The following NBAS variants were observed in gnomAD, a reference collection of about 807,000 sequenced individuals.
NBAS encodes the protein NAG/BC035112 fusion.
NBAS carries 219 observed loss-of-function variants against 302.5 expected under a neutral mutation model. The observed-to-expected ratio is 0.72, with a 90% CI of 0.65 to 0.81. The LOEUF (loss-of-function observed/expected upper bound fraction) is 0.81, where lower values mean the gene tolerates loss of function less well. Ranked by LOEUF, NBAS falls within the 30% of genes least tolerant of loss-of-function variation. NBAS has a pLI of 0.00. For synonymous variants in NBAS, 1,118 were observed against 1,021.6 expected, an observed-to-expected ratio of 1.09 and a Z score of -1.80; for missense variants, 2,932 against 2,841.6, an observed-to-expected ratio of 1.03 and a Z score of -0.72.
chr2:15,187,204 T>A (rs1665129792), intron 49 of NBAS, among the ~76,000 whole-genome samples: 1 of 152,114 alleles, frequency 6.6e-6, no homozygotes, highest in South Asian at 2.1e-4. Flanking sequence ...AGTTGTATGG[T>A]TCTGGGGAAG....
At chr2:14,836,483 G>C in the NBAS span, among the ~76,000 whole-genome samples, 1 of 151,790 alleles carries the variant, frequency 6.6e-6, no homozygotes, top group Non-Finnish European at 1.5e-5. Flanking sequence ...TTAATAGCAA[G>C]TTTCTTTTCT....
intron 10 of NBAS, among the ~76,000 whole-genome samples, chr2:15,508,687 T>C (rs910436201): frequency 6.6e-6 from 1 of 152,158 alleles, no homozygotes; most frequent in African/African-American, 2.4e-5. Flanking sequence ...AAATTTTTTT[T>C]TTTACTGAAT....
intron 11 of NBAS, among the ~76,000 whole-genome samples, chr2:15,489,484 G>C (rs1197892446): frequency 6.6e-6 from 1 of 152,006 alleles, no homozygotes; most frequent in Non-Finnish European, 1.5e-5. Flanking sequence ...AAGAAGGAAA[G>C]GAGTAGAAAA....
At chr2:14,792,526 T>C in the NBAS span, among the ~76,000 whole-genome samples, 2 of 151,994 alleles carry the variant, frequency 1.3e-5, no homozygotes, top group Non-Finnish European at 2.9e-5. Context: ...AAATTCAATA[T>C]TTGAGGTATG....
At chr2:15,140,238 G>T in the NBAS span, among the ~76,000 whole-genome samples, 12 of 152,208 alleles carry the variant, frequency 7.9e-5, no homozygotes, top group South Asian at 2.1e-4. Flanking sequence ...GATAATTCTA[G>T]CTTCCAGTTG....
intron 4 of NBAS, 96 bp from the exon 5 acceptor site, chr2:15,553,569 T>C (rs946929586): frequency 5.0e-6 from 6 of 1,194,524 alleles, no homozygotes; most frequent in Non-Finnish European, 6.2e-6. Flanking sequence ...TAAAAATCAT[T>C]TTTAAATTTG....
chr2:14,932,117 C>T, the NBAS span, among the ~76,000 whole-genome samples: 4 of 152,146 alleles, frequency 2.6e-5, no homozygotes, highest in Non-Finnish European at 4.4e-5. Context: ...CCTGACACCA[C>T]CCCAGGTAGA....
At chr2:15,034,339 A>AG in the NBAS span, among the ~76,000 whole-genome samples, 1 of 73,644 alleles carries the variant, frequency 1.4e-5, no homozygotes, top group African/African-American at 5.8e-5. Context: ...CAGGCAGGCA[A>AG]GCAAGCAAGC....
chr2:15,432,080 T>C (rs1677793549), intron 21 of NBAS, among the ~76,000 whole-genome samples: 1 of 151,882 alleles, frequency 6.6e-6, no homozygotes, highest in African/African-American at 2.4e-5. Flanking sequence ...TTAGGCAAAA[T>C]TGTAGCTTGA....
chr2:15,221,487 T>TA (rs200151793), intron 47 of NBAS, among the ~76,000 whole-genome samples: 18 of 151,662 alleles, frequency 1.2e-4, no homozygotes, highest in African/African-American at 3.6e-4. Context: ...GATACAGAGA[T>TA]AAAAAAAAAT....
At chr2:15,041,881 A>C in the NBAS span, among the ~76,000 whole-genome samples, 1 of 152,130 alleles carries the variant, frequency 6.6e-6, no homozygotes, top group East Asian at 1.9e-4. Flanking sequence ...ACTACATGGA[A>C]ATAAGGCCTG....
chr2:14,884,472 A>G, the NBAS span, among the ~76,000 whole-genome samples: 267 of 152,272 alleles, frequency 1.8e-3, 1 homozygote, highest in African/African-American at 6.3e-3. Flanking sequence ...AAAACAATGA[A>G]GAAGAGGGTA....
At chr2:15,284,698 T>A (rs999615393) in intron 42 of NBAS, among the ~76,000 whole-genome samples, 19 of 152,238 alleles carry the variant, frequency 1.2e-4, no homozygotes, top group African/African-American at 4.3e-4. Flanking sequence ...TTGGGCAATT[T>A]CTATTGTATT....
At chr2:15,387,999 A>G (rs1421907749) in intron 28 of NBAS, among the ~76,000 whole-genome samples, 1 of 152,196 alleles carries the variant, frequency 6.6e-6, no homozygotes, top group Non-Finnish European at 1.5e-5. Context: ...TGTACCTGTC[A>G]TAATGTTTTT....
chr2:14,980,754 A>ACTGTTTTT, the NBAS span, among the ~76,000 whole-genome samples: 1 of 152,250 alleles, frequency 6.6e-6, no homozygotes, highest in African/African-American at 2.4e-5. Context: ...GGAAGATATA[A>ACTGTTTTT]AAGAAACAAT....
the NBAS span, among the ~76,000 whole-genome samples, chr2:14,819,796 G>A: frequency 6.6e-6 from 1 of 152,138 alleles, no homozygotes; most frequent in Non-Finnish European, 1.5e-5. Context: ...AATACATAAT[G>A]AGTTCAAACA....
intron 12 of NBAS, among the ~76,000 whole-genome samples, chr2:15,479,178 G>T (rs372128630): frequency 1.3e-5 from 2 of 152,006 alleles, no homozygotes; most frequent in African/African-American, 4.8e-5. Flanking sequence ...ACTCAGAGCA[G>T]ACCCTGAGAA....
chr2:14,918,113 C>T, the NBAS span, among the ~76,000 whole-genome samples: 1 of 152,206 alleles, frequency 6.6e-6, no homozygotes, highest in South Asian at 2.1e-4. Flanking sequence ...CTTTGGAAGG[C>T]AGGTCTTAGA....
At chr2:15,359,988 T>A (rs1413878480) in intron 32 of NBAS, among the ~76,000 whole-genome samples, 1 of 152,206 alleles carries the variant, frequency 6.6e-6, no homozygotes, top group Non-Finnish European at 1.5e-5. Context: ...GCTCCTAGGC[T>A]ACAAACCTGT....
Sources: gnomAD v4.1 joint callset for allele counts (sites outside exome capture counted in the v4.1 genomes callset) on GRCh38, gnomAD v4.1.1 for gene constraint, MANE v1.5 for transcripts, NCBI Gene and HGNC (gene_info 2026-07-23, HGNC 2026-07-21) for gene names.